Variants in MPPED2 observed in about 807,000 individuals in gnomAD.
MPPED2 encodes the protein metallophosphoesterase MPPED2.
Under a neutral mutation model 33.0 loss-of-function variants are expected in MPPED2, and 5 were observed. That is an observed-to-expected ratio of 0.15 (90% CI 0.08 to 0.32). MPPED2 has a LOEUF of 0.32. Ranked by LOEUF, MPPED2 falls within the 10% of genes least tolerant of loss-of-function variation. The probability of loss-of-function intolerance (pLI) is 1.00; values close to 1 mark genes in which losing one functional copy is unlikely to be tolerated. For synonymous variants in MPPED2, 136 were observed against 141.9 expected (o/e 0.96, Z 0.29); for missense variants, 275 against 372.1 (o/e 0.74, Z 2.15).
At chr11:30,546,761 T>C (rs1482234190) in intron 2 of MPPED2, among the ~76,000 whole-genome samples, 1 of 152,208 alleles carries the variant, frequency 6.6e-6, no homozygotes, top group African/African-American at 2.4e-5. Flanking sequence ...ATCATTTATG[T>C]GAGTTTGAAG....
intron 6 of MPPED2, among the ~76,000 whole-genome samples, chr11:30,412,814 A>G (rs1360186745): frequency 6.6e-6 from 1 of 152,220 alleles, no homozygotes; most frequent in Non-Finnish European, 1.5e-5. Context: ...GAATTCCCCA[A>G]TTGTCTGGCT....
At chr11:30,530,564 C>T (rs1214514364) in intron 3 of MPPED2, among the ~76,000 whole-genome samples, 3 of 152,096 alleles carry the variant, frequency 2.0e-5, no homozygotes, top group Non-Finnish European at 2.9e-5. Context: ...CTCCTAGAGA[C>T]GGTCATTCCA....
At chr11:30,438,983 A>G (rs1324014130) in intron 4 of MPPED2, among the ~76,000 whole-genome samples, 1 of 152,246 alleles carries the variant, frequency 6.6e-6, no homozygotes. Flanking sequence ...TTGTTAAAGT[A>G]CAAGACTCCA....
intron 2 of MPPED2, among the ~76,000 whole-genome samples, chr11:30,578,760 C>T (rs939334882): frequency 3.9e-5 from 6 of 152,120 alleles, no homozygotes; most frequent in African/African-American, 1.4e-4. Context: ...GTATGGCTTA[C>T]ACAAATATTG....
At chr11:30,494,245 G>A (rs940933430) in intron 4 of MPPED2, among the ~76,000 whole-genome samples, 19 of 152,194 alleles carry the variant, frequency 1.2e-4, no homozygotes, top group African/African-American at 4.1e-4. Flanking sequence ...AGTACAAAAT[G>A]AGAGGGAAAT....
intron 3 of MPPED2, among the ~76,000 whole-genome samples, chr11:30,505,236 C>G (rs555266372): frequency 1.2e-3 from 179 of 152,306 alleles, no homozygotes; most frequent in African/African-American, 4.2e-3. Context: ...TGTAAGCATT[C>G]TTGCCTCAAC....
At chr11:30,514,598 C>T (rs1171426386) in intron 3 of MPPED2, among the ~76,000 whole-genome samples, 2 of 152,126 alleles carry the variant, frequency 1.3e-5, no homozygotes, top group Non-Finnish European at 2.9e-5. Context: ...TCTATGTTTA[C>T]ATGTTCATAA....
At chr11:30,412,162 T>C (rs1948134227) in intron 6 of MPPED2, among the ~76,000 whole-genome samples, 1 of 151,288 alleles carries the variant, frequency 6.6e-6, no homozygotes, top group Non-Finnish European at 1.5e-5. Flanking sequence ...TTCCATTTCA[T>C]TCAAAAGTGT....
At chr11:30,576,509 C>T (rs747108880) in intron 2 of MPPED2, among the ~76,000 whole-genome samples, 5 of 152,060 alleles carry the variant, frequency 3.3e-5, no homozygotes, top group South Asian at 2.1e-4. Flanking sequence ...TCCAATAACA[C>T]GGGGATTTCA....
At chr11:30,533,391 G>A (rs1488809532) in intron 3 of MPPED2, among the ~76,000 whole-genome samples, 3 of 152,120 alleles carry the variant, frequency 2.0e-5, no homozygotes. Context: ...CACTAGAGTA[G>A]AAAGCCAGAA....
chr11:30,536,128 C>T lies in MPPED2; in HGVS notation c.176G>A (p.Arg59Gln). 1.9e-6 allele frequency: 3 copies of T among 1,612,278 alleles called. No homozygotes were observed. The highest frequency in any genetic ancestry group is 1.3e-5 in the African/African-American group (1 of 74,974). ...GTGTGTGTCTGAGATGCAGACAAAC[C>T]GCGTGTGGCCCGCTGGTTTTGGAGT... ...YDTPKPAGHT[R>Q]FVCISDTHSR... Residue 59 changes from arginine (R) to glutamine (Q), a missense_variant, in exon 3 of 7, where the codon CGG becomes CAG. Physicochemically the swap from Arg to Gln is conservative, Grantham distance 43. Transcript: ENST00000358117.
intron 3 of MPPED2, among the ~76,000 whole-genome samples, chr11:30,531,088 G>T (rs1317701445): frequency 1.3e-5 from 2 of 152,158 alleles, no homozygotes; most frequent in East Asian, 1.9e-4. Context: ...CAGGGTCCCA[G>T]TTCAACTCAC....
At chr11:30,426,855 G>T (rs966372585) in intron 4 of MPPED2, among the ~76,000 whole-genome samples, 2 of 152,138 alleles carry the variant, frequency 1.3e-5, no homozygotes, top group African/African-American at 4.8e-5. Context: ...TGGTGTGAGC[G>T]GGAGGGAGGT....
chr11:30,586,117 C>G lies in MPPED2; in HGVS notation c.-197G>C, dbSNP rs1448820063. ...GCAGGCGATCCATAGCCGAGCGGCC[C>G]GAGCCGGCTGGAGGAGCGCTGGGGG... is the stretch of plus-strand genomic sequence containing the variant. On this transcript the variant is annotated 5_prime_UTR_variant, in exon 1 of 7. Transcript: ENST00000358117. The surrounding 1 kb of genome is among the most constrained non-coding windows in gnomAD (Gnocchi z 4.8). 2 of 152,350 alleles carry G rather than the reference C, an allele frequency of 1.3e-5. No individual in the cohort carries two copies. The highest frequency in any genetic ancestry group is 3.9e-4 in the East Asian group (2 of 5,136). 9.4% of individuals were successfully genotyped at this position (152,350 alleles called of 1,614,324 possible).
At chr11:30,436,600 C>T (rs1198398281) in intron 4 of MPPED2, among the ~76,000 whole-genome samples, 1 of 152,222 alleles carries the variant, frequency 6.6e-6, no homozygotes, top group African/African-American at 2.4e-5. Context: ...ATGAAAAAGA[C>T]TTTGAACAGC....
intron 4 of MPPED2, chr11:30,451,916 C>T: frequency 2.0e-6 from 2 of 985,338 alleles, no homozygotes; most frequent in Non-Finnish European, 2.4e-6. Context: ...AGTCATTTAA[C>T]CTTGATTTCT....
intron 4 of MPPED2, among the ~76,000 whole-genome samples, chr11:30,431,332 C>A (rs1949069434): frequency 6.6e-6 from 1 of 152,176 alleles, no homozygotes. Context: ...TGAAGTCAGA[C>A]CTGTGTCTGA....
intron 4 of MPPED2, among the ~76,000 whole-genome samples, chr11:30,487,535 G>A (rs1951793940): frequency 6.6e-6 from 1 of 152,270 alleles, no homozygotes; most frequent in Non-Finnish European, 1.5e-5. Context: ...CAGGCTGAGT[G>A]CAGGGGTGTG....
intron 3 of MPPED2, among the ~76,000 whole-genome samples, chr11:30,505,318 C>T (rs777981642): frequency 2.6e-5 from 4 of 152,082 alleles, no homozygotes; most frequent in East Asian, 1.9e-4. Context: ...TACTCATTCA[C>T]GCTTATATAT....
Sources: allele counts gnomAD v4.1 joint callset (sites outside exome capture counted in the v4.1 genomes callset), GRCh38; gene constraint gnomAD v4.1.1; non-coding constraint Gnocchi (gnomAD v3.1); transcripts MANE v1.5; gene names NCBI Gene and HGNC (gene_info 2026-07-23, HGNC 2026-07-21).